Variants in TRIO observed in about 807,000 individuals in gnomAD.
TRIO encodes triple functional domain protein.
A neutral mutation model predicts 351.9 loss-of-function variants in TRIO; 58 were observed. The ratio of observed to expected loss-of-function variants is 0.16; its 90% CI spans 0.13 to 0.21. The LOEUF is 0.21. TRIO is among the 10% of genes least tolerant of loss of function. TRIO has a pLI of 1.00. For synonymous variants in TRIO, 1,758 were observed against 1,595.7 expected, an observed-to-expected ratio of 1.10 and a Z score of -2.42; for missense variants, 3,201 against 4,027.8, an observed-to-expected ratio of 0.79 and a Z score of 5.56.
chr5:14,497,958 G>A lies in TRIO; in HGVS notation c.8047+84G>A. 6.2e-7 allele frequency: 1 copy of A among 1,610,878 alleles called. No homozygotes were observed. Among genetic ancestry groups the A allele is most frequent in the Non-Finnish European group, 8.5e-7 (1 of 1,177,348 alleles). ...TTCAGAGCACTTGAGTGTGGCCTCT[G>A]GAAATGAGTTTTCCGTGGCGCTCTA... is the stretch of plus-strand genomic sequence containing the variant. On this transcript the variant is annotated intron_variant, in intron 51 of 56. Transcript: ENST00000344204. The surrounding 1 kb of genome is among the most constrained non-coding windows in gnomAD (Gnocchi z 4.4).
chr5:14,493,276 G>A (rs946883959), intron 49 of TRIO, among the ~76,000 whole-genome samples: 1 of 150,436 alleles, frequency 6.6e-6, no homozygotes, highest in Non-Finnish European at 1.5e-5. Context: ...GTTGTTTTGT[G>A]CTTTGCTTTA....
chr5:14,426,881 G>A (rs967885476), intron 34 of TRIO, among the ~76,000 whole-genome samples: 2 of 152,210 alleles, frequency 1.3e-5, no homozygotes, highest in East Asian at 1.9e-4. Context: ...TGTTTGTTTC[G>A]TAACTTTAAA....
chr5:14,359,455 A>C lies in TRIO; in HGVS notation c.2315A>C (p.Glu772Ala), dbSNP rs749981207. The C allele has an allele frequency of 3.7e-6, 6 of 1,614,146 alleles. No homozygotes were observed. The East Asian group carries it at 1.3e-4, about 36-fold the overall frequency. The change falls in exon 13 of 57, where the codon GAG (glutamate) becomes GCG (alanine). Residue 772 changes from glutamate to alanine, a missense_variant. Glu to Ala is a moderately radical substitution (Grantham distance 107). This residue lies in a region of TRIO where 363 missense variants were observed against 553.5 expected (regional missense o/e 0.66). Coordinates refer to ENST00000344204, the MANE Select transcript of TRIO (RefSeq NM_007118.4). ...CTGGACGAGGCGCAGTCGCAGATGG[A>C]GGAGCTCTTCCAGGAGCGCAAGATC... ...QQLDEAQSQMEELFQERKIKL... is the reference protein window; with the variant it reads ...QQLDEAQSQMAELFQERKIKL...
rs930147214 is a variant in TRIO, at chr5:14,316,832, T to G, written c.1731+89T>G. 1.5e-5 allele frequency: 21 copies of G among 1,376,048 alleles called. No individual in the cohort carries two copies. The South Asian group carries it at 2.7e-4, about 18-fold the overall frequency. The allele number at this position is 1,376,048 out of a possible 1,614,324, so 85.2% of individuals were successfully genotyped here. On this transcript the variant is annotated intron_variant, in intron 9 of 56. Coordinates refer to ENST00000344204, the MANE Select transcript of TRIO (RefSeq NM_007118.4). The stretch of plus-strand genomic sequence containing the variant: ...TCATCATATTGGGAAGATCTGTGCT[T>G]AAGGAGTGATGACTAGAAGATAAGG...
intron 1 of TRIO, among the ~76,000 whole-genome samples, chr5:14,153,023 C>G (rs1787925163): frequency 6.6e-6 from 1 of 152,230 alleles, no homozygotes; most frequent in African/African-American, 2.4e-5. Context: ...TAGGGCCAGC[C>G]TCAACTCTGC....
intron 34 of TRIO, among the ~76,000 whole-genome samples, chr5:14,424,068 G>A (rs1750417346): frequency 6.6e-6 from 1 of 151,516 alleles, no homozygotes; most frequent in African/African-American, 2.4e-5. Flanking sequence ...TAAATAAAAT[G>A]AAATGGGCTT....
chr5:14,158,770 G>A (rs1352240592), intron 1 of TRIO, among the ~76,000 whole-genome samples: 2 of 152,220 alleles, frequency 1.3e-5, no homozygotes, highest in East Asian at 1.9e-4. Flanking sequence ...GTTTGAGGCT[G>A]TAGTGAGCCA....
intron 13 of TRIO, among the ~76,000 whole-genome samples, chr5:14,361,042 C>T (rs966810069): frequency 1.3e-5 from 2 of 152,280 alleles, no homozygotes; most frequent in South Asian, 2.1e-4. Context: ...AGGCCAGCCA[C>T]GCCTACTTTC....
intron 30 of TRIO, among the ~76,000 whole-genome samples, chr5:14,400,660 G>T (rs1181217989): frequency 1.3e-5 from 2 of 152,158 alleles, no homozygotes; most frequent in Non-Finnish European, 2.9e-5. Flanking sequence ...GCAAATAGTC[G>T]AATCTTGATT....
chr5:14,352,414 G>T (rs1743223015), intron 11 of TRIO, among the ~76,000 whole-genome samples: 1 of 152,206 alleles, frequency 6.6e-6, no homozygotes, highest in South Asian at 2.1e-4. Flanking sequence ...TTTGCAGCAT[G>T]CCCAGAAGTA....
intron 25 of TRIO, 41 bp downstream of exon 25, chr5:14,389,439 C>T (rs1746854570): frequency 7.0e-7 from 1 of 1,430,992 alleles, no homozygotes; most frequent in African/African-American, 1.5e-5. Flanking sequence ...GCTTGAAATC[C>T]ATGTGCTGAA....
chr5:14,459,303 G>A (rs1016011351), intron 34 of TRIO, among the ~76,000 whole-genome samples: 8 of 152,234 alleles, frequency 5.3e-5, no homozygotes, highest in African/African-American at 1.9e-4. Context: ...GAGCCAGAGA[G>A]GCAGTGCAGC....
chr5:14,485,252 G>A lies in TRIO; in HGVS notation c.6835+6G>A, dbSNP rs369576793. 28 of 1,572,732 alleles carry A rather than the reference G, an allele frequency of 1.8e-5. No individual in the cohort carries two copies. The highest frequency in any genetic ancestry group is 4.6e-5 in the East Asian group (2 of 43,936). ...CCAGCGCAATTTTTTAAATGGTAAT[G>A]TGTGTTCTGTTACTAGATGTGTGCT... On this transcript the variant is annotated splice_donor_region_variant and intron_variant, in intron 47 of 56. Transcript: ENST00000344204.
intron 1 of TRIO, among the ~76,000 whole-genome samples, chr5:14,145,188 G>A (rs1293033247): frequency 6.6e-6 from 1 of 152,172 alleles, no homozygotes; most frequent in African/African-American, 2.4e-5. Context: ...CCCCAGATTC[G>A]GTGAGATCAG....
rs139314793 is a variant in TRIO, at chr5:14,498,536, C to A, written c.8228C>A (p.Thr2743Lys). The change falls in exon 53 of 57, where the codon ACG becomes AAG. Residue 2743 changes from threonine to lysine, a missense_variant. Around this residue, in one of 19 missense-constraint regions of TRIO, gnomAD observed 1,089 missense variants for 954.9 expected, o/e 1.14. Transcript: ENST00000344204. The stretch of plus-strand genomic sequence containing the variant: ...TGCCGCAGTGACCTGGGAGAGGCCA[C>A]GCTGAAGATTGTGGGCGTGACCACG... ...SISYSDLGEA[T>K]LKIVGVTTED... 3.8e-5 allele frequency: 62 copies of A among 1,614,116 alleles called. No homozygotes were observed. In the African/African-American group the frequency reaches 7.5e-4, roughly 19 times the overall value.
intron 14 of TRIO, 132 bp downstream of exon 14, chr5:14,364,059 A>T: frequency 1.2e-6 from 1 of 856,888 alleles, no homozygotes. Flanking sequence ...CCTGTTCTTT[A>T]AAAGAACGTT....
At chr5:14,311,086 A>G (rs17303273) in intron 8 of TRIO, among the ~76,000 whole-genome samples, 13,195 of 152,268 alleles carry the variant, frequency 0.087, 745 homozygotes, top group Non-Finnish European at 0.13. Context: ...ATCAGAGCCA[A>G]CAGCCCATAT....
intron 28 of TRIO, 56 bp downstream of exon 28, chr5:14,394,186 C>G: frequency 8.9e-7 from 1 of 1,121,862 alleles, no homozygotes; most frequent in East Asian, 2.5e-5. Context: ...ATTATTTTGA[C>G]ATTTACTATA....
chr5:14,357,930 CGT>C (rs1743779418), intron 11 of TRIO, among the ~76,000 whole-genome samples: 3 of 152,126 alleles, frequency 2.0e-5, no homozygotes, highest in African/African-American at 7.2e-5. Context: ...TGCTGCCCGC[CGT>C]TCGCCTGTTT....
Sources: gnomAD v4.1 joint callset for allele counts (sites outside exome capture counted in the v4.1 genomes callset) on GRCh38, gnomAD v4.1.1 for gene constraint, gnomAD v4.1.1 regional missense constraint, Gnocchi (gnomAD v3.1) non-coding constraint, MANE v1.5 for transcripts, NCBI Gene and HGNC (gene_info 2026-07-23, HGNC 2026-07-21) for gene names.